Variants in CMAS observed in about 807,000 individuals in gnomAD.
The protein encoded by CMAS is N-acylneuraminate cytidylyltransferase.
Under a neutral mutation model 53.4 loss-of-function variants are expected in CMAS, and 21 were observed. The ratio of observed to expected loss-of-function variants is 0.39; its 90% confidence interval spans 0.28 to 0.57. The LOEUF is 0.57. Among genes scored for constraint, CMAS ranks in the 20% least tolerant of loss-of-function variants. CMAS has a pLI of 0.56. For missense variants in CMAS, 384 were observed against 534.9 expected, an observed-to-expected ratio of 0.72 and a Z score of 2.78; for synonymous variants, 189 against 195.2, an observed-to-expected ratio of 0.97 and a Z score of 0.27.
chr12:22,061,495 T>C (rs764470364), intron 6 of CMAS, 43 bp downstream of exon 6: 4 of 1,323,162 alleles, frequency 3.0e-6, no homozygotes, highest in Non-Finnish European at 4.1e-6. Context: ...AATATTTTGA[T>C]TCAGGGTCAA....
intron 1 of CMAS, among the ~76,000 whole-genome samples, chr12:22,050,019 T>C (rs1327827181): frequency 1.3e-5 from 2 of 152,232 alleles, no homozygotes; most frequent in Non-Finnish European, 2.9e-5. Flanking sequence ...TATGTGCTAT[T>C]TGTCATCCTT....
chr12:22,046,300 G>A lies in CMAS; in HGVS notation c.-4G>A, dbSNP rs1266884138. ...AGAAGCTGGGGAGAAGGCGTGGGAG[G>A]AAGATGGACTCGGTGGAGAAGGGGG... On this transcript the variant is annotated 5_prime_UTR_variant, in exon 1 of 8. Coordinates refer to ENST00000229329, the MANE Select transcript of CMAS (RefSeq NM_018686.6). 6.9e-6 allele frequency: 10 copies of A among 1,459,108 alleles called. No homozygotes were observed. In the Admixed American group the frequency reaches 2.6e-4, roughly 38 times the overall value. The allele number at this position is 1,459,108 out of a possible 1,614,324, so 90.4% of individuals were successfully genotyped here.
At position 22,053,810 on chromosome 12, in the gene CMAS, C is replaced by T. The variant is rs1235098245; in HGVS notation, c.261-1339C>T. Reference sequence around the variant, plus strand: ...AGGAGAATGGCATGAACCTGGGAGGCGGAGCTTGCAGTGAGCCGAGATCGC... The same window carrying T: ...AGGAGAATGGCATGAACCTGGGAGGTGGAGCTTGCAGTGAGCCGAGATCGC... On this transcript the variant is annotated intron_variant, in intron 1 of 7. Coordinates refer to ENST00000229329, the MANE Select transcript of CMAS (RefSeq NM_018686.6). Among the ~76,000 whole-genome samples, 9 of 149,542 alleles carry T rather than the reference C, an allele frequency of 6.0e-5. No individual in the cohort carries two copies. The East Asian group carries it at 1.4e-3, about 24-fold the overall frequency.
At chr12:22,064,091 A>G (rs564164220) in intron 7 of CMAS, among the ~76,000 whole-genome samples, 4 of 152,262 alleles carry the variant, frequency 2.6e-5, no homozygotes, top group East Asian at 1.9e-4. Context: ...TATTTTAGTG[A>G]AAACGATTCA....
rs1371205883 is a variant in CMAS, at chr12:22,064,429, G to GC, written c.1115-692_1115-691insC. On this transcript the variant is annotated intron_variant, in intron 7 of 7. Coordinates refer to ENST00000229329, the MANE Select transcript of CMAS (RefSeq NM_018686.6). ...CCATTACAGATTAAAAGAGATTTAAGAGATTATATATATATAAACAAAAGA... is the reference window on the plus strand; with the variant it reads ...CCATTACAGATTAAAAGAGATTTAAGCAGATTATATATATATAAACAAAAGA... Among the ~76,000 whole-genome samples the GC allele has an allele frequency of 3.7e-4, 56 of 152,112 alleles. 1 individual carries two copies. The highest frequency in any genetic ancestry group is 1.3e-3 in the African/African-American group (55 of 41,528).
chr12:22,061,304 A>T lies in CMAS; in HGVS notation c.812A>T (p.Lys271Met). ...VLRYGYFGKE[K>M]LKEIKLLVCN... ...AGATATGGCTATTTTGGCAAAGAGA[A>T]GCTTAAGGAAATAAAACTTTTGGTT... The change falls in exon 6 of 8, where the codon AAG becomes ATG. Residue 271 changes from lysine to methionine, a missense_variant. This residue lies in a region of CMAS where 139 missense variants were observed against 248.0 expected (regional missense o/e 0.56). Coordinates refer to ENST00000229329, the MANE Select transcript of CMAS (RefSeq NM_018686.6). 1.2e-6 allele frequency: 2 copies of T among 1,611,936 alleles called. No homozygotes were observed. Among genetic ancestry groups the T allele is most frequent in the South Asian group, 2.2e-5 (2 of 90,760 alleles).
intron 1 of CMAS, among the ~76,000 whole-genome samples, chr12:22,048,114 C>A (rs970987318): frequency 6.6e-6 from 1 of 152,172 alleles, no homozygotes; most frequent in African/African-American, 2.4e-5. Context: ...TACTTACTGC[C>A]TACCTACTAT....
intron 4 of CMAS, among the ~76,000 whole-genome samples, chr12:22,060,050 C>T (rs1194893739): frequency 6.6e-6 from 1 of 151,896 alleles, no homozygotes; most frequent in East Asian, 1.9e-4. Context: ...ACAGATGCTA[C>T]AGTTATTTTT....
chr12:22,064,806 G>T (rs549002230), intron 7 of CMAS, among the ~76,000 whole-genome samples: 75 of 152,174 alleles, frequency 4.9e-4, no homozygotes, highest in African/African-American at 1.8e-3. Flanking sequence ...TTTGCTTAAT[G>T]AAAAATTTAA....
chr12:22,059,050 C>G (rs978657077), intron 4 of CMAS, among the ~76,000 whole-genome samples: 4 of 151,018 alleles, frequency 2.6e-5, no homozygotes, highest in Non-Finnish European at 5.9e-5. Context: ...TGAATAACTT[C>G]TATTGCTTTA....
At chr12:22,060,728 C>T in intron 4 of CMAS, 104 bp from the exon 5 acceptor site, 1 of 658,140 alleles carries the variant, frequency 1.5e-6, no homozygotes. Flanking sequence ...ATTCATTTTT[C>T]TCAGTACTGT....
chr12:22,057,901 C>T (rs1304799483), intron 3 of CMAS, among the ~76,000 whole-genome samples: 2 of 150,780 alleles, frequency 1.3e-5, no homozygotes, highest in Non-Finnish European at 3.0e-5. Context: ...AATCTCGGCT[C>T]ACTGCAATCT....
In CMAS at chr12:22,046,283, G is replaced by A. The variant is rs1950204112; in HGVS notation, c.-21G>A. ...CTAGCTCCCGGATGTGGAGAAGCTG[G>A]GGAGAAGGCGTGGGAGGAAGATGGA... is the stretch of plus-strand genomic sequence containing the variant. On this transcript the variant is annotated 5_prime_UTR_variant, in exon 1 of 8. An upstream open reading frame in the 5' UTR gains an earlier in-frame stop. Coordinates refer to ENST00000229329, the MANE Select transcript of CMAS (RefSeq NM_018686.6). 2 of 1,434,154 alleles carry A rather than the reference G, an allele frequency of 1.4e-6. No individual in the cohort carries two copies. Among genetic ancestry groups the A allele is most frequent in the Non-Finnish European group, 1.8e-6 (2 of 1,090,688 alleles). 88.8% of individuals were successfully genotyped at this position (1,434,154 alleles called of 1,614,324 possible).
chr12:22,048,333 A>G (rs1273728944), intron 1 of CMAS, among the ~76,000 whole-genome samples: 1 of 152,234 alleles, frequency 6.6e-6, no homozygotes. Flanking sequence ...TCAATTTCTT[A>G]GCTCTGGATA....
At chr12:22,052,257 A>C (rs1330109045) in intron 1 of CMAS, among the ~76,000 whole-genome samples, 1 of 152,214 alleles carries the variant, frequency 6.6e-6, no homozygotes, top group Admixed American at 6.5e-5. Flanking sequence ...CAGTAGGCCA[A>C]GACTTTCTCA....
intron 1 of CMAS, 59 bp downstream of exon 1, chr12:22,046,622 G>C (rs1950208290): frequency 6.9e-7 from 1 of 1,448,204 alleles, no homozygotes. Flanking sequence ...AGGGAGTCGG[G>C]CTGCTGGAGG....
At chr12:22,053,462 AAT>A (rs1308206845) in intron 1 of CMAS, among the ~76,000 whole-genome samples, 3 of 149,800 alleles carry the variant, frequency 2.0e-5, no homozygotes, top group East Asian at 3.9e-4. Flanking sequence ...ATGTATATAA[AAT>A]AATGTGTATA....
In CMAS at chr12:22,061,383, A is replaced by G. The variant is rs200972792; in HGVS notation, c.891A>G (p.Gln297=). The G allele has an allele frequency of 3.7e-6, 6 of 1,607,282 alleles. No individual in the cohort carries two copies. In the Admixed American group the frequency reaches 5.0e-5, roughly 13 times the overall value. ...GCCACATTTATGTATCAGGAGACCA[A>G]AAAGAAATAATATCTTATGATGTAA... ...TNGHIYVSGD[Q]KEIISYDVKD... is the part of the protein sequence containing the mutation. Residue 297 remains glutamine (Q), a synonymous_variant, in exon 6 of 8, where the codon CAA becomes CAG. Coordinates refer to ENST00000229329, the MANE Select transcript of CMAS (RefSeq NM_018686.6).
chr12:22,062,553 C>CT, intron 7 of CMAS, 119 bp downstream of exon 7: 1 of 1,024,796 alleles, frequency 9.8e-7, no homozygotes, highest in Non-Finnish European at 1.5e-6. Context: ...AATAGGAACT[C>CT]TTTTAACAAA....
Sources: allele counts gnomAD v4.1 joint callset (sites outside exome capture counted in the v4.1 genomes callset), GRCh38; gene constraint gnomAD v4.1.1; regional missense constraint gnomAD v4.1.1; transcripts MANE v1.5; gene names NCBI Gene and HGNC (gene_info 2026-07-23, HGNC 2026-07-21).